The following RASSF2 variants were observed in gnomAD, a reference collection of about 807,000 sequenced individuals.
RASSF2 encodes ras association domain-containing protein 2.
A neutral mutation model predicts 46.3 loss-of-function variants in RASSF2; 34 were observed. The ratio of observed to expected loss-of-function variants is 0.73; its 90% CI spans 0.56 to 0.98. The LOEUF (loss-of-function observed/expected upper bound fraction) is 0.98. RASSF2 is among the 50% of genes least tolerant of loss of function. The pLI is 0.00. For synonymous variants in RASSF2, 158 were observed against 162.5 expected, an observed-to-expected ratio of 0.97 and a Z score of 0.21; for missense variants, 364 against 431.2, an observed-to-expected ratio of 0.84 and a Z score of 1.38.
At position 4,790,745 on chromosome 20, in the gene RASSF2, G is replaced by A. The variant is rs551891361; in HGVS notation, c.377-134C>T. ...TTTTATACAAATAATATTTTCTGCTGGGGGAAAAACATAATGCAGAATTTA... is the reference window on the plus strand; with the variant it reads ...TTTTATACAAATAATATTTTCTGCTAGGGGAAAAACATAATGCAGAATTTA... On this transcript the variant is annotated intron_variant, in intron 6 of 11. Coordinates refer to ENST00000379400, the MANE Select transcript of RASSF2 (RefSeq NM_014737.3). This position sits in a 1 kb window ranked among gnomAD's most constrained non-coding sequence, Gnocchi z 4.3. 12 of 662,992 alleles carry A rather than the reference G, an allele frequency of 1.8e-5. 1 individual carries two copies. The East Asian group carries it at 4.2e-4, about 23-fold the overall frequency. 41.1% of individuals were successfully genotyped at this position (662,992 alleles called of 1,614,324 possible).
chr20:4,805,120 A>C (rs1299156353), intron 2 of RASSF2, among the ~76,000 whole-genome samples: 1 of 152,062 alleles, frequency 6.6e-6, no homozygotes, highest in Non-Finnish European at 1.5e-5. Context: ...AGGATGAAGA[A>C]TGGCCCCAGA....
At chr20:4,808,899 T>C (rs1351621102) in intron 2 of RASSF2, among the ~76,000 whole-genome samples, 1 of 152,186 alleles carries the variant, frequency 6.6e-6, no homozygotes, top group Non-Finnish European at 1.5e-5. Flanking sequence ...TACTTCTTTT[T>C]AGAAAAAACA....
At position 4,797,511 on chromosome 20, in the gene RASSF2, G is replaced by A. The variant is rs143923941; in HGVS notation, c.135+499C>T. Among the ~76,000 whole-genome samples the A allele has an allele frequency of 2.3e-3, 352 of 152,272 alleles. 4 individuals are homozygous for A. In the Middle Eastern group the frequency reaches 0.027, roughly 12 times the overall value. ...ATGAGTAAGCTCAGTTTCAGGATGG[G>A]AATCAGATGAGTAACAAAAGCAACC... On this transcript the variant is annotated intron_variant, in intron 4 of 11. Coordinates refer to ENST00000379400, the MANE Select transcript of RASSF2 (RefSeq NM_014737.3).
chr20:4,801,846 CTCTT>C (rs1926898320), intron 2 of RASSF2, among the ~76,000 whole-genome samples: 1 of 152,070 alleles, frequency 6.6e-6, no homozygotes, highest in Non-Finnish European at 1.5e-5. Context: ...TCAGGTGATT[CTCTT>C]GCCTCAGCTT....
intron 2 of RASSF2, among the ~76,000 whole-genome samples, chr20:4,814,312 G>A (rs1477459122): frequency 6.6e-6 from 1 of 152,158 alleles, no homozygotes; most frequent in Non-Finnish European, 1.5e-5. Context: ...CGGGTCCCCT[G>A]TTTCCTACAA....
intron 5 of RASSF2, among the ~76,000 whole-genome samples, chr20:4,794,326 T>C (rs1926152744): frequency 6.6e-6 from 1 of 152,030 alleles, no homozygotes; most frequent in Non-Finnish European, 1.5e-5. Flanking sequence ...CCCGGAACTT[T>C]GGGAGGTCAA....
At chr20:4,784,370 A>G (rs766285606) in intron 11 of RASSF2, 28 bp from the exon 12 acceptor site, 1 of 1,605,066 alleles carries the variant, frequency 6.2e-7, no homozygotes, top group Non-Finnish European at 8.5e-7. Context: ...GCTCAGATGG[A>G]GAGCAGCCAG....
chr20:4,786,451 T>A, intron 10 of RASSF2, 123 bp from the exon 11 acceptor site: 1 of 890,830 alleles, frequency 1.1e-6, no homozygotes, highest in Non-Finnish European at 1.9e-6. Flanking sequence ...AACCCAGGAT[T>A]TCCTTAAAGG....
At position 4,781,220 on chromosome 20, in the gene RASSF2, AAC is replaced by A. The variant is rs1329515780; in HGVS notation, c.*3051_*3052del. 2 of 105,668 alleles carry A rather than the reference AAC, an allele frequency of 1.9e-5. No individual in the cohort carries two copies. Among genetic ancestry groups the A allele is most frequent in the East Asian group, 5.9e-4 (2 of 3,368 alleles). The allele number at this position is 105,668 out of a possible 1,614,324, so 6.5% of individuals were successfully genotyped here. ...CTTGTTGAGACTTTTTTGCATGGAA[AAC>A]AGATATTTTGGGGGGGGCATTATAT... On this transcript the variant is annotated 3_prime_UTR_variant, in exon 12 of 12. Coordinates refer to ENST00000379400, the MANE Select transcript of RASSF2 (RefSeq NM_014737.3).
chr20:4,805,546 AACCACCAAGACTAT>A (rs1927275137), intron 2 of RASSF2, among the ~76,000 whole-genome samples: 1 of 152,098 alleles, frequency 6.6e-6, no homozygotes, highest in African/African-American at 2.4e-5. Context: ...TGTTGTTTTA[AACCACCAAGACTAT>A]AGTCATTTTT....
At chr20:4,821,278 G>C (rs554374471) in intron 2 of RASSF2, among the ~76,000 whole-genome samples, 1 of 152,254 alleles carries the variant, frequency 6.6e-6, no homozygotes, top group South Asian at 2.1e-4. Flanking sequence ...CCTCCAAACA[G>C]AAGCCATGTG....
chr20:4,790,429 C>T lies in RASSF2; in HGVS notation c.537+22G>A. ...ACCCAGGAAGAGGTCTTCCACCCTC[C>T]CCGTCCCCCTGTCCACCTTACCTTA... is the stretch of plus-strand genomic sequence containing the variant. On this transcript the variant is annotated intron_variant, in intron 7 of 11. Transcript: ENST00000379400. This position sits in a 1 kb window ranked among gnomAD's most constrained non-coding sequence, Gnocchi z 4.3. 1.4e-6 allele frequency: 2 copies of T among 1,437,382 alleles called. No homozygotes were observed. Among genetic ancestry groups the T allele is most frequent in the South Asian group, 3.2e-5 (2 of 62,392 alleles). The allele number at this position is 1,437,382 out of a possible 1,614,324, so 89.0% of individuals were successfully genotyped here.
chr20:4,809,966 G>A (rs73588979), intron 2 of RASSF2, among the ~76,000 whole-genome samples: 2,334 of 152,320 alleles, frequency 0.015, 50 homozygotes, highest in African/African-American at 0.053. Flanking sequence ...CAATTCTCAG[G>A]AAACGTGTGC....
intron 2 of RASSF2, among the ~76,000 whole-genome samples, chr20:4,820,692 C>T (rs1381750199): frequency 6.6e-6 from 1 of 152,058 alleles, no homozygotes; most frequent in Non-Finnish European, 1.5e-5. Context: ...TGGCAGTTCT[C>T]AGCTACTACA....
chr20:4,795,941 C>A lies in RASSF2; in HGVS notation c.161G>T (p.Gly54Val). ...CAGGCCCCAGGAGATGTTCAGGAGC[C>A]CCTCCACAATGAACTCGTCTTCTTC... ...REEEDEFIVE[G>V]LLNISWGLRR... Residue 54 changes from glycine (G) to valine (V), a missense_variant, in exon 5 of 12, where the codon GGG (glycine) becomes GTG (valine). Coordinates refer to ENST00000379400, the MANE Select transcript of RASSF2 (RefSeq NM_014737.3). This position sits in a 1 kb window ranked among gnomAD's most constrained non-coding sequence, Gnocchi z 4.0. The A allele has an allele frequency of 6.5e-7, 1 of 1,547,594 alleles. No individual in the cohort carries two copies. Among genetic ancestry groups the A allele is most frequent in the Admixed American group, 1.9e-5 (1 of 52,490 alleles).
Position 4,790,564 on chromosome 20 carries a change from G to C in RASSF2, c.424C>G (p.Arg142Gly), listed in dbSNP as rs771423650. 5.9e-6 allele frequency: 9 copies of C among 1,536,854 alleles called. No individual in the cohort carries two copies. The highest frequency in any genetic ancestry group is 7.8e-6 in the Non-Finnish European group (9 of 1,150,260). ...PLQEDTPQLM[R>G]TRSDVGVRRR... ...CGCACCCCAACATCACTGCGTGTGC[G>C]CATCAGCTGTGGGGTGTCCTCCTGC... Residue 142 changes from arginine to glycine, a missense_variant, in exon 7 of 12, where the codon CGC becomes GGC. Physicochemically the swap from Arg to Gly is moderately radical, Grantham distance 125. Coordinates refer to ENST00000379400, the MANE Select transcript of RASSF2 (RefSeq NM_014737.3). The surrounding 1 kb of genome is among the most constrained non-coding windows in gnomAD (Gnocchi z 4.3).
chr20:4,802,184 G>A (rs1255509086), intron 2 of RASSF2, among the ~76,000 whole-genome samples: 1 of 152,038 alleles, frequency 6.6e-6, no homozygotes, highest in Non-Finnish European at 1.5e-5. Flanking sequence ...CGATCCCCCC[G>A]CCTCAGCCTC....
intron 2 of RASSF2, among the ~76,000 whole-genome samples, chr20:4,804,353 CTTTTT>C (rs10659167): frequency 5.1e-5 from 6 of 118,714 alleles, no homozygotes; most frequent in African/African-American, 1.6e-4. Flanking sequence ...AGAAAGCTTT[CTTTTT>C]TTTTTTTTTT....
At chr20:4,804,621 A>C (rs2122587264) in intron 2 of RASSF2, among the ~76,000 whole-genome samples, 1 of 152,302 alleles carries the variant, frequency 6.6e-6, no homozygotes, top group East Asian at 1.9e-4. Context: ...TTATGGCCTG[A>C]GCCACCATGC....
Sources: gnomAD v4.1 joint callset for allele counts (sites outside exome capture counted in the v4.1 genomes callset) on GRCh38, gnomAD v4.1.1 for gene constraint, Gnocchi (gnomAD v3.1) non-coding constraint, MANE v1.5 for transcripts, NCBI Gene and HGNC (gene_info 2026-07-23, HGNC 2026-07-21) for gene names.